MAML2: variants seen among roughly 807,000 people sequenced by gnomAD.
The protein encoded by MAML2 is mastermind-like protein 2.
In MAML2, 22 loss-of-function variants were observed where a neutral mutation model predicts 96.1. That is an observed-to-expected ratio of 0.23 (90% CI 0.16 to 0.33). The LOEUF is 0.33. Ranked by LOEUF, MAML2 falls within the 10% of genes least tolerant of loss-of-function variation. The pLI is 1.00. For synonymous variants in MAML2, 561 were observed against 521.3 expected (o/e 1.08, Z -1.04); for missense variants, 1,367 against 1,392.4 (o/e 0.98, Z 0.29).
intron 1 of MAML2, among the ~76,000 whole-genome samples, chr11:96,106,676 A>G (rs1860026314): frequency 6.6e-6 from 1 of 152,224 alleles, no homozygotes; most frequent in South Asian, 2.1e-4. Flanking sequence ...ATCCTTGAAA[A>G]TATTACTGCT....
rs535632731 is a variant in MAML2, at chr11:96,298,417, C to T, written c.513+42966G>A. Among the ~76,000 whole-genome samples, 17 of 152,182 alleles carry T rather than the reference C, an allele frequency of 1.1e-4. No individual in the cohort carries two copies. The East Asian group carries it at 3.3e-3, about 29-fold the overall frequency. On this transcript the variant is annotated intron_variant, in intron 1 of 4. Coordinates refer to ENST00000524717, the MANE Select transcript of MAML2 (RefSeq NM_032427.4). ...AGAAATGAGCTAAGTTGAAGGTTAG[C>T]CTTGAACCAGAAGAAGAACATCCTT...
rs768188489 is a variant in MAML2 at position 95,978,900 on chromosome 11, T to C, written c.*48A>G. The C allele has an allele frequency of 2.7e-6, 4 of 1,509,004 alleles. No individual in the cohort carries two copies. In the South Asian group the frequency reaches 4.0e-5, roughly 15 times the overall value. The allele number at this position is 1,509,004 out of a possible 1,614,324, so 93.5% of individuals were successfully genotyped here. A position where few individuals can be genotyped will look rare whatever the true frequency, so the allele number is the denominator to read the frequency against. On this transcript the variant is annotated 3_prime_UTR_variant, in exon 5 of 5. Transcript: ENST00000524717. ...CAGCCTCTACAGAGTTTCTGTAATA[T>C]ACTGCCTTTTAGTGCTTGGAGTTTG...
chr11:96,120,011 G>A (rs1300940678), intron 1 of MAML2, among the ~76,000 whole-genome samples: 2 of 146,228 alleles, frequency 1.4e-5, no homozygotes, highest in Admixed American at 1.4e-4. Context: ...AGGCTGGAGT[G>A]CAGTGACACG....
intron 1 of MAML2, among the ~76,000 whole-genome samples, chr11:96,126,902 AC>A (rs1860447525): frequency 7.4e-6 from 1 of 135,022 alleles, no homozygotes; most frequent in Non-Finnish European, 1.6e-5. Context: ...TGTGGTATGG[AC>A]ATGGGGGGGG....
intron 1 of MAML2, among the ~76,000 whole-genome samples, chr11:96,312,219 C>CAA (rs34658278): frequency 6.2e-4 from 32 of 51,516 alleles, no homozygotes; most frequent in Middle Eastern, 0.016. Flanking sequence ...GACTCTATCT[C>CAA]AAAAAAAAAA....
chr11:96,047,051 A>G (rs1283330729), intron 2 of MAML2, among the ~76,000 whole-genome samples: 1 of 152,164 alleles, frequency 6.6e-6, no homozygotes, highest in Non-Finnish European at 1.5e-5. Flanking sequence ...ATAGACAGAA[A>G]CAAAATTTTG....
At chr11:96,149,494 G>T (rs111683946) in intron 1 of MAML2, among the ~76,000 whole-genome samples, 1 of 150,082 alleles carries the variant, frequency 6.7e-6, no homozygotes, top group Non-Finnish European at 1.5e-5. Context: ...CACTTTGGGA[G>T]GCCGAGGCAG....
chr11:96,186,377 G>T (rs1861575771), intron 1 of MAML2, among the ~76,000 whole-genome samples: 1 of 152,112 alleles, frequency 6.6e-6, no homozygotes, highest in Non-Finnish European at 1.5e-5. Flanking sequence ...ATCACCTGAG[G>T]TCGGGAGTTT....
intron 1 of MAML2, among the ~76,000 whole-genome samples, chr11:96,285,959 C>G (rs1284307467): frequency 1.3e-5 from 2 of 152,132 alleles, no homozygotes; most frequent in East Asian, 3.9e-4. Flanking sequence ...TTTGACCCAG[C>G]AATCCCGTTA....
intron 1 of MAML2, among the ~76,000 whole-genome samples, chr11:96,277,037 A>G (rs372191146): frequency 6.6e-5 from 10 of 152,112 alleles, no homozygotes; most frequent in African/African-American, 1.7e-4. Flanking sequence ...GCTCTGTAAA[A>G]ACTCACAGCA....
intron 1 of MAML2, among the ~76,000 whole-genome samples, chr11:96,235,877 C>G (rs1862360772): frequency 1.3e-5 from 2 of 152,194 alleles, no homozygotes; most frequent in Non-Finnish European, 1.5e-5. Context: ...CGGGTTAGAG[C>G]TGGAGAGAGA....
chr11:96,305,154 A>C (rs1863446713), intron 1 of MAML2, among the ~76,000 whole-genome samples: 1 of 152,228 alleles, frequency 6.6e-6, no homozygotes, highest in South Asian at 2.1e-4. Context: ...TACATTTTAA[A>C]ATAATATGGA....
At chr11:96,007,622 T>C (rs183201595) in intron 2 of MAML2, among the ~76,000 whole-genome samples, 564 of 152,242 alleles carry the variant, frequency 3.7e-3, no homozygotes, top group Middle Eastern at 6.8e-3. Flanking sequence ...TTAGCATATA[T>C]AAGCCTGATA....
At chr11:96,115,878 C>T (rs1001058753) in intron 1 of MAML2, among the ~76,000 whole-genome samples, 8 of 152,120 alleles carry the variant, frequency 5.3e-5, no homozygotes, top group African/African-American at 9.7e-5. Context: ...ACCAAGTGTT[C>T]GGATCCCATC....
chr11:96,266,552 C>T (rs1238588907), intron 1 of MAML2, among the ~76,000 whole-genome samples: 1 of 150,874 alleles, frequency 6.6e-6, no homozygotes, highest in Non-Finnish European at 1.5e-5. Context: ...CCCTGGGCAA[C>T]AGAGTGAGAC....
intron 1 of MAML2, among the ~76,000 whole-genome samples, chr11:96,295,979 C>T (rs1863292870): frequency 6.8e-6 from 1 of 147,712 alleles, no homozygotes; most frequent in Admixed American, 6.8e-5. Context: ...CACACACACA[C>T]GAAACTAATG....
intron 2 of MAML2, among the ~76,000 whole-genome samples, chr11:96,047,442 A>G (rs1858919764): frequency 6.6e-6 from 1 of 152,178 alleles, no homozygotes; most frequent in Non-Finnish European, 1.5e-5. Context: ...AATAAAATTT[A>G]CTTTACAGGT....
chr11:96,314,025 G>GT (rs1028834555), intron 1 of MAML2, among the ~76,000 whole-genome samples: 3 of 152,132 alleles, frequency 2.0e-5, no homozygotes, highest in Non-Finnish European at 4.4e-5. Context: ...TTCTAAATTT[G>GT]TTTGTCTTCT....
intron 1 of MAML2, among the ~76,000 whole-genome samples, chr11:96,154,751 A>T (rs1365035850): frequency 6.6e-6 from 1 of 152,184 alleles, no homozygotes; most frequent in Non-Finnish European, 1.5e-5. Flanking sequence ...CATGAACATT[A>T]ACTTACGATT....
Sources: allele counts gnomAD v4.1 joint callset (sites outside exome capture counted in the v4.1 genomes callset), GRCh38; gene constraint gnomAD v4.1.1; transcripts MANE v1.5; gene names NCBI Gene and HGNC (gene_info 2026-07-23, HGNC 2026-07-21).